Variants in CAT observed in about 807,000 individuals in gnomAD.
The protein encoded by CAT is catalase.
Under a neutral mutation model 59.0 loss-of-function variants are expected in CAT, and 43 were observed. The ratio of observed to expected loss-of-function variants is 0.73; its 90% confidence interval spans 0.57 to 0.94. The LOEUF (loss-of-function observed/expected upper bound fraction) is 0.94. CAT is among the 40% of genes least tolerant of loss of function. The pLI is 0.00. For synonymous variants in CAT, 218 were observed against 230.9 expected, an observed-to-expected ratio of 0.94 and a Z score of 0.51; for missense variants, 664 against 682.9, an observed-to-expected ratio of 0.97 and a Z score of 0.31.
chr11:34,470,291 G>T (rs1210357220), intron 11 of CAT, among the ~76,000 whole-genome samples: 3 of 152,144 alleles, frequency 2.0e-5, no homozygotes, highest in African/African-American at 7.2e-5. Flanking sequence ...TGGAAGAGGG[G>T]CATGGGGGAA....
chr11:34,450,242 A>G (rs1856507450), intron 2 of CAT, among the ~76,000 whole-genome samples: 2 of 152,258 alleles, frequency 1.3e-5, no homozygotes, highest in Admixed American at 1.3e-4. Flanking sequence ...TAAATGATGT[A>G]CTTACTGGGT....
chr11:34,467,113 TAAAC>T (rs750835414), intron 10 of CAT, among the ~76,000 whole-genome samples: 4 of 152,022 alleles, frequency 2.6e-5, no homozygotes, highest in Non-Finnish European at 4.4e-5. Flanking sequence ...GGCTTTAAAA[TAAAC>T]ATACATATTT....
intron 8 of CAT, among the ~76,000 whole-genome samples, chr11:34,457,470 G>T (rs1348027874): frequency 1.3e-5 from 2 of 152,098 alleles, no homozygotes; most frequent in Non-Finnish European, 2.9e-5. Context: ...GCCTCCCAAA[G>T]TGCTGGATTA....
At position 34,464,252 on chromosome 11, in the gene CAT, A is replaced by T; in HGVS notation, c.1326+17A>T. 1 of 1,612,736 alleles carries T rather than the reference A, an allele frequency of 6.2e-7. No homozygotes were observed. Among genetic ancestry groups the T allele is most frequent in the East Asian group, 2.2e-5 (1 of 44,874 alleles). The stretch of plus-strand genomic sequence containing the variant: ...GTTACTCAGGTAATGACTTCTCTTT[A>T]TCTGCTATGGAAGTCACCTGCTAAT... On this transcript the variant is annotated intron_variant, in intron 10 of 12. Transcript: ENST00000241052.
chr11:34,469,166 T>TC (rs1856749854), intron 11 of CAT, among the ~76,000 whole-genome samples: 1 of 152,102 alleles, frequency 6.6e-6, no homozygotes, highest in South Asian at 2.1e-4. Flanking sequence ...AATCTAGAAA[T>TC]CCCCCTTTTT....
chr11:34,467,099 A>G (rs895100596), intron 10 of CAT, among the ~76,000 whole-genome samples: 1 of 152,212 alleles, frequency 6.6e-6, no homozygotes, highest in Non-Finnish European at 1.5e-5. Flanking sequence ...GATAATTGGA[A>G]AGAGGCTTTA....
intron 6 of CAT, among the ~76,000 whole-genome samples, chr11:34,454,628 A>T (rs946436010): frequency 4.6e-5 from 7 of 152,226 alleles, no homozygotes; most frequent in Non-Finnish European, 7.3e-5. Flanking sequence ...GAACAATTTA[A>T]TGTAGGTATA....
chr11:34,445,920 C>T (rs1419838554), intron 1 of CAT, among the ~76,000 whole-genome samples: 1 of 152,070 alleles, frequency 6.6e-6, no homozygotes, highest in African/African-American at 2.4e-5. Context: ...GTAGTATCGC[C>T]CATTAAATGG....
At chr11:34,460,851 G>A (rs1325942489) in intron 8 of CAT, 1 of 278,830 alleles carries the variant, frequency 3.6e-6, no homozygotes, top group Admixed American at 4.7e-5. Context: ...CCCTGGAGTG[G>A]GGGAATGAGG....
intron 9 of CAT, among the ~76,000 whole-genome samples, chr11:34,462,060 T>C (rs2133857232): frequency 6.6e-6 from 1 of 152,336 alleles, no homozygotes; most frequent in East Asian, 1.9e-4. Flanking sequence ...TTTTTTGGTG[T>C]CGTATACAAA....
At chr11:34,460,760 GT>G (rs1196661438) in intron 8 of CAT, 3 of 243,944 alleles carry the variant, frequency 1.2e-5, no homozygotes, top group Non-Finnish European at 2.4e-5. Context: ...CCAGTTGGAA[GT>G]GCTTATTTGA....
chr11:34,455,368 A>G (rs1554937439), intron 6 of CAT, among the ~76,000 whole-genome samples: 1 of 152,188 alleles, frequency 6.6e-6, no homozygotes, highest in South Asian at 2.1e-4. Flanking sequence ...ACAGTATGAT[A>G]TGATAACAGG....
intron 10 of CAT, among the ~76,000 whole-genome samples, chr11:34,464,780 A>G (rs1054919331): frequency 2.0e-5 from 3 of 151,050 alleles, no homozygotes; most frequent in East Asian, 1.9e-4. Context: ...CTGTTTTATC[A>G]TGGTTGTGGC....
chr11:34,470,414 A>G (rs1430496853), intron 11 of CAT, among the ~76,000 whole-genome samples: 1 of 152,088 alleles, frequency 6.6e-6, no homozygotes, highest in African/African-American at 2.4e-5. Context: ...TGGAGGTTTT[A>G]TGACATAGGC....
At position 34,471,461 on chromosome 11, in the gene CAT, A is replaced by G; in HGVS notation, c.*28A>G. 6.2e-7 allele frequency: 1 copy of G among 1,600,010 alleles called. No individual in the cohort carries two copies. Among genetic ancestry groups the G allele is most frequent in the Non-Finnish European group, 8.6e-7 (1 of 1,167,168 alleles). ...CCGGGGCCCTGCACCTGTGCAGCGA[A>G]GCTTAGCGTTCATCCGTGTAACCCG... On this transcript the variant is annotated 3_prime_UTR_variant, in exon 13 of 13. Coordinates refer to ENST00000241052, the MANE Select transcript of CAT (RefSeq NM_001752.4).
At chr11:34,451,564 G>A (rs1856523676) in intron 3 of CAT, among the ~76,000 whole-genome samples, 1 of 152,146 alleles carries the variant, frequency 6.6e-6, no homozygotes, top group Non-Finnish European at 1.5e-5. Flanking sequence ...GATAGTATTA[G>A]ATCTATCATA....
Position 34,456,147 on chromosome 11 carries a change from T to G in CAT, c.848T>G (p.Val283Gly), listed in dbSNP as rs1271560391. ...CCCTCCTGGACTTTTTACATCCAGG[T>G]CATGACATTTAATCAGGCAGAAACT... ...KYPSWTFYIQ[V>G]MTFNQAETFP... The change falls in exon 7 of 13, where the codon GTC becomes GGC. Residue 283 changes from valine (V) to glycine (G), a missense_variant. Physicochemically the swap from Val to Gly is moderately radical, Grantham distance 109. Transcript: ENST00000241052. The G allele has an allele frequency of 6.2e-7, 1 of 1,614,064 alleles. No individual in the cohort carries two copies. The highest frequency in any genetic ancestry group is 8.5e-7 in the Non-Finnish European group (1 of 1,179,982).
rs755612125 is a variant in CAT, at chr11:34,439,082, A to G, written c.66+3A>G. On this transcript the variant is annotated splice_donor_region_variant and intron_variant, in intron 1 of 12. Coordinates refer to ENST00000241052, the MANE Select transcript of CAT (RefSeq NM_001752.4). ...GGAAGGAGCAGCGGGCCGCGCAGGTACACTCTGTGCTCCCCGAGCGGGCCC... is the reference window on the plus strand; with the variant it reads ...GGAAGGAGCAGCGGGCCGCGCAGGTGCACTCTGTGCTCCCCGAGCGGGCCC... 6.3e-7 allele frequency: 1 copy of G among 1,585,204 alleles called. No homozygotes were observed. The highest frequency in any genetic ancestry group is 8.6e-7 in the Non-Finnish European group (1 of 1,165,678).
rs140244365 is a variant in CAT at position 34,459,458 on chromosome 11, A to G, written c.1057-1793A>G. On this transcript the variant is annotated intron_variant, in intron 8 of 12. Coordinates refer to ENST00000241052, the MANE Select transcript of CAT (RefSeq NM_001752.4). The stretch of plus-strand genomic sequence containing the variant: ...CCATGGTGAAATGGACAAATAATAT[A>G]ATACAAGTCATAGAGAGACTGTCCT... Among the ~76,000 whole-genome samples, 6 of 152,346 alleles carry G rather than the reference A, an allele frequency of 3.9e-5. No homozygotes were observed. The East Asian group carries it at 1.2e-3, about 29-fold the overall frequency.
Sources: allele counts gnomAD v4.1 joint callset (sites outside exome capture counted in the v4.1 genomes callset), GRCh38; gene constraint gnomAD v4.1.1; transcripts MANE v1.5; gene names NCBI Gene and HGNC (gene_info 2026-07-23, HGNC 2026-07-21).